Variants in TSPAN9 observed in about 807,000 individuals in gnomAD.
TSPAN9 encodes the protein tetraspanin-9.
Under a neutral mutation model 31.0 loss-of-function variants are expected in TSPAN9, and 16 were observed. The ratio of observed to expected loss-of-function variants is 0.52; its 90% confidence interval spans 0.35 to 0.78. The LOEUF (loss-of-function observed/expected upper bound fraction) is 0.78, where lower values mean the gene tolerates loss of function less well. Ranked by LOEUF, TSPAN9 falls within the 30% of genes least tolerant of loss-of-function variation. The probability of loss-of-function intolerance (pLI) is 0.01; values close to 1 mark genes in which losing one functional copy is unlikely to be tolerated. For synonymous variants in TSPAN9, 145 were observed against 121.6 expected, an observed-to-expected ratio of 1.19 and a Z score of -1.27; for missense variants, 272 against 312.5, an observed-to-expected ratio of 0.87 and a Z score of 0.98.
intron 2 of TSPAN9, among the ~76,000 whole-genome samples, chr12:3,122,324 A>T (rs1258785443): frequency 1.3e-5 from 2 of 151,642 alleles, no homozygotes; most frequent in African/African-American, 4.8e-5. Context: ...CTATCTCAAA[A>T]AAAAAAAGGA....
intron 3 of TSPAN9, among the ~76,000 whole-genome samples, chr12:3,238,510 G>C (rs1375244064): frequency 6.6e-6 from 1 of 152,154 alleles, no homozygotes; most frequent in East Asian, 1.9e-4. Context: ...TGCTAGCTAG[G>C]AATACCAAAC....
chr12:3,281,810 T>A lies in TSPAN9; in HGVS notation c.641T>A (p.Ile214Asn). ...GGCACGGTGGGGATGTGCATCCTCA[T>A]CATGCAGGTAAGAGGGGCGTCCCCA... ...VLGTVGMCILIMQILGMAFSM... is the reference protein window; with the variant it reads ...VLGTVGMCILNMQILGMAFSM... Residue 214 changes from isoleucine to asparagine, a missense_variant, in exon 8 of 9, where the codon ATC becomes AAC. Coordinates refer to ENST00000011898, the MANE Select transcript of TSPAN9 (RefSeq NM_006675.5). 1.9e-6 allele frequency: 3 copies of A among 1,614,092 alleles called. No homozygotes were observed. Among genetic ancestry groups the A allele is most frequent in the Non-Finnish European group, 2.5e-6 (3 of 1,179,996 alleles).
intron 3 of TSPAN9, among the ~76,000 whole-genome samples, chr12:3,257,712 C>T (rs1862374642): frequency 6.7e-6 from 1 of 149,602 alleles, no homozygotes; most frequent in Non-Finnish European, 1.5e-5. Flanking sequence ...ACCCTTTCTA[C>T]CTACTGTGAT....
intron 2 of TSPAN9, among the ~76,000 whole-genome samples, chr12:3,145,957 T>A (rs2153968146): frequency 6.6e-6 from 1 of 152,286 alleles, no homozygotes; most frequent in East Asian, 1.9e-4. Context: ...CTGCAGGCAC[T>A]GGCTTGGCCT....
At chr12:3,218,702 G>A (rs1394681679) in intron 3 of TSPAN9, among the ~76,000 whole-genome samples, 1 of 152,236 alleles carries the variant, frequency 6.6e-6, no homozygotes, top group Non-Finnish European at 1.5e-5. Context: ...TGGGGGCTGA[G>A]CCCGCTTGGC....
Position 3,226,644 on chromosome 12 carries a change from T to TTG in TSPAN9, c.63+25389_63+25390insGT, listed in dbSNP as rs1555155052. 4.6e-3 allele frequency among the ~76,000 whole-genome samples: 17 copies of TTG among 3,718 alleles called. 2 individuals carry two copies. In the South Asian group the frequency reaches 0.19, roughly 42 times the overall value. The allele number at this position is 3,718 out of a possible 152,430, so 2.4% of individuals were successfully genotyped here. Reference sequence around the variant, plus strand: ...CAAGACCCCATCTCTTAAAAAAATTTTATATATATGTGTGTGTGTGTGTGT... The same window carrying TTG: ...CAAGACCCCATCTCTTAAAAAAATTTTGTATATATATGTGTGTGTGTGTGTGT... On this transcript the variant is annotated intron_variant, in intron 3 of 8. Coordinates refer to ENST00000011898, the MANE Select transcript of TSPAN9 (RefSeq NM_006675.5).
intron 3 of TSPAN9, among the ~76,000 whole-genome samples, chr12:3,207,343 T>C (rs1208815304): frequency 6.6e-6 from 1 of 152,114 alleles, no homozygotes; most frequent in Non-Finnish European, 1.5e-5. Context: ...TTGGTTCCAG[T>C]TAGGAAGCTT....
intron 2 of TSPAN9, among the ~76,000 whole-genome samples, chr12:3,158,742 A>G (rs1007969826): frequency 7.3e-5 from 11 of 151,068 alleles, no homozygotes; most frequent in African/African-American, 1.9e-4. Flanking sequence ...AAAAAAAAAA[A>G]AGCATAGGCT....
chr12:3,224,749 G>A (rs550488144), intron 3 of TSPAN9, among the ~76,000 whole-genome samples: 14 of 152,338 alleles, frequency 9.2e-5, no homozygotes, highest in Admixed American at 2.6e-4. Flanking sequence ...GACAGCTGTC[G>A]GGTCTGGTTT....
In TSPAN9 at chr12:3,162,791, A is replaced by G. The variant is rs1478282112; in HGVS notation, c.-17-38386A>G. Among the ~76,000 whole-genome samples, 6 of 152,196 alleles carry G rather than the reference A, an allele frequency of 3.9e-5. 1 individual carries two copies. Among genetic ancestry groups the G allele is most frequent in the Non-Finnish European group, 8.8e-5 (6 of 68,038 alleles). On this transcript the variant is annotated intron_variant, in intron 2 of 8. Transcript: ENST00000011898. The stretch of plus-strand genomic sequence containing the variant: ...ACAAGTTATGGTTATACCAGGCTCT[A>G]GGCTACATGTCGCCCTTCTCTCCCA...
chr12:3,090,873 C>T (rs972111110), intron 2 of TSPAN9, among the ~76,000 whole-genome samples: 2 of 152,244 alleles, frequency 1.3e-5, no homozygotes, highest in Non-Finnish European at 2.9e-5. Context: ...CACTGTTCAT[C>T]CCCAGATGGG....
chr12:3,182,651 G>T (rs567617130), intron 2 of TSPAN9, among the ~76,000 whole-genome samples: 2 of 152,330 alleles, frequency 1.3e-5, no homozygotes, highest in South Asian at 4.1e-4. Flanking sequence ...TGACAGGTCT[G>T]TCCGCAAAGA....
At chr12:3,212,006 C>A in intron 3 of TSPAN9, 2 of 752,172 alleles carry the variant, frequency 2.7e-6, no homozygotes, top group South Asian at 1.8e-5. Flanking sequence ...TAATCTTTCT[C>A]CGTCACCCAG....
At chr12:3,092,762 C>T (rs898014419) in intron 2 of TSPAN9, among the ~76,000 whole-genome samples, 1 of 152,244 alleles carries the variant, frequency 6.6e-6, no homozygotes, top group Non-Finnish European at 1.5e-5. Context: ...CAAGGATGGT[C>T]CTTCCCTGAG....
At chr12:3,272,550 C>T (rs1257280882) in intron 3 of TSPAN9, among the ~76,000 whole-genome samples, 5 of 151,850 alleles carry the variant, frequency 3.3e-5, no homozygotes, top group South Asian at 2.1e-4. Flanking sequence ...GCCACTGCGC[C>T]CGGCCGTGTG....
intron 2 of TSPAN9, among the ~76,000 whole-genome samples, chr12:3,134,802 G>T (rs2098331319): frequency 1.3e-5 from 2 of 152,202 alleles, no homozygotes; most frequent in South Asian, 2.1e-4. Context: ...TGCTGGGGAA[G>T]GTGGACGTAT....
At chr12:3,127,425 G>A (rs1008693928) in intron 2 of TSPAN9, among the ~76,000 whole-genome samples, 2 of 151,470 alleles carry the variant, frequency 1.3e-5, no homozygotes, top group African/African-American at 2.4e-5. Context: ...GCGCAATCTC[G>A]GCTCACTGCA....
chr12:3,224,078 G>GT (rs2098385919), intron 3 of TSPAN9, among the ~76,000 whole-genome samples: 1 of 116,664 alleles, frequency 8.6e-6, no homozygotes, highest in African/African-American at 3.8e-5. Context: ...ACTCATCCTA[G>GT]TAAAAAAAAA....
At chr12:3,106,380 G>A (rs2098314685) in intron 2 of TSPAN9, among the ~76,000 whole-genome samples, 1 of 152,236 alleles carries the variant, frequency 6.6e-6, no homozygotes, top group Non-Finnish European at 1.5e-5. Context: ...AGGTGGTTGA[G>A]TGTTCTGAGA....
Sources: gnomAD v4.1 joint callset for allele counts (sites outside exome capture counted in the v4.1 genomes callset) on GRCh38, gnomAD v4.1.1 for gene constraint, MANE v1.5 for transcripts, NCBI Gene and HGNC (gene_info 2026-07-23, HGNC 2026-07-21) for gene names.